Variants in CSNK2A2IP observed in about 807,000 individuals in gnomAD.
CSNK2A2IP encodes the protein casein kinase II subunit alpha'-interacting protein.
At chr3:88,397,639 G>A in the CSNK2A2IP span, among the ~76,000 whole-genome samples, 2 of 152,000 alleles carry the variant, frequency 1.3e-5, no homozygotes, top group Non-Finnish European at 2.9e-5. Context: ...AATTGAAAAT[G>A]AAATAGGGGT....
At chr3:88,356,613 G>C in the CSNK2A2IP span, among the ~76,000 whole-genome samples, 11 of 151,344 alleles carry the variant, frequency 7.3e-5, no homozygotes, top group East Asian at 1.5e-3. Context: ...TATATACCTA[G>C]CAGTGAGATT....
chr3:88,405,040 G>T, the CSNK2A2IP span, among the ~76,000 whole-genome samples: 26 of 152,194 alleles, frequency 1.7e-4, no homozygotes, highest in African/African-American at 6.3e-4. Context: ...GTCCTGCTAG[G>T]TTGGTTTAGC....
At chr3:88,414,235 G>A in the CSNK2A2IP span, among the ~76,000 whole-genome samples, 141,226 of 142,834 alleles carry the variant, frequency 0.99, 69,849 homozygotes, top group East Asian at 1. Flanking sequence ...ATATCCTAAG[G>A]AAACCTAAAA....
the CSNK2A2IP span, among the ~76,000 whole-genome samples, chr3:88,349,089 T>C: frequency 6.6e-6 from 1 of 152,072 alleles, no homozygotes; most frequent in Non-Finnish European, 1.5e-5. Flanking sequence ...CTTTCCATTC[T>C]TTTTGCAGTT....
chr3:88,408,958 A>G, the CSNK2A2IP span, among the ~76,000 whole-genome samples: 1 of 152,008 alleles, frequency 6.6e-6, no homozygotes, highest in Admixed American at 6.5e-5. Context: ...TTGCCAACTG[A>G]GACCATTGAA....
the CSNK2A2IP span, among the ~76,000 whole-genome samples, chr3:88,403,478 C>G: frequency 1.3e-5 from 2 of 152,188 alleles, no homozygotes; most frequent in South Asian, 4.1e-4. Context: ...AATGGGGCAG[C>G]TTTGTTCTTT....
the CSNK2A2IP span, among the ~76,000 whole-genome samples, chr3:88,415,021 C>A: frequency 7.4e-5 from 11 of 148,654 alleles, no homozygotes; most frequent in Non-Finnish European, 1.3e-4. Flanking sequence ...TAAAAAAAAC[C>A]CACACACACA....
the CSNK2A2IP span, among the ~76,000 whole-genome samples, chr3:88,416,236 C>A: frequency 6.7e-6 from 1 of 148,592 alleles, no homozygotes; most frequent in African/African-American, 2.5e-5. Flanking sequence ...TCGGCCACTG[C>A]ACTCCAGCCT....
At chr3:88,393,884 A>G in the CSNK2A2IP span, among the ~76,000 whole-genome samples, 48 of 152,236 alleles carry the variant, frequency 3.2e-4, no homozygotes, top group Non-Finnish European at 1.0e-4. Flanking sequence ...GGCAGATAGT[A>G]CAGAGGATGA....
chr3:88,398,442 A>G, the CSNK2A2IP span, among the ~76,000 whole-genome samples: 19 of 152,262 alleles, frequency 1.2e-4, no homozygotes, highest in African/African-American at 4.6e-4. Flanking sequence ...GAACGCAAAA[A>G]CTTTGTAATT....
the CSNK2A2IP span, among the ~76,000 whole-genome samples, chr3:88,448,057 C>T: frequency 3.9e-5 from 6 of 152,132 alleles, no homozygotes; most frequent in Non-Finnish European, 5.9e-5. Context: ...GTATGTTTTC[C>T]GCATTTCCGG....
chr3:88,402,444 CACAAGAAAATATGCAGA>C, the CSNK2A2IP span, among the ~76,000 whole-genome samples: 2 of 151,912 alleles, frequency 1.3e-5, no homozygotes, highest in Non-Finnish European at 2.9e-5. Flanking sequence ...TGCATATGTG[CACAAGAAAATATGCAGA>C]ACTATTCAAT....
At chr3:88,392,381 AG>A in the CSNK2A2IP span, among the ~76,000 whole-genome samples, 220 of 152,332 alleles carry the variant, frequency 1.4e-3, no homozygotes, top group African/African-American at 5.1e-3. Flanking sequence ...GAAAGGAATT[AG>A]ATATCTATAG....
At chr3:88,455,260 A>T in the CSNK2A2IP span, among the ~76,000 whole-genome samples, 42 of 151,954 alleles carry the variant, frequency 2.8e-4, no homozygotes, top group Non-Finnish European at 5.3e-4. Flanking sequence ...ATCATATGGT[A>T]TTTCTGTTCT....
At chr3:88,375,386 A>G in the CSNK2A2IP span, among the ~76,000 whole-genome samples, 51 of 151,916 alleles carry the variant, frequency 3.4e-4, no homozygotes, top group African/African-American at 1.2e-3. Context: ...GGAATTTGGT[A>G]CTAGGGTTGA....
the CSNK2A2IP span, among the ~76,000 whole-genome samples, chr3:88,463,539 A>C: frequency 2.6e-5 from 4 of 152,150 alleles, no homozygotes; most frequent in African/African-American, 9.7e-5. Flanking sequence ...CAGCCAAAAA[A>C]CACATGAAAA....
the CSNK2A2IP span, among the ~76,000 whole-genome samples, chr3:88,418,693 G>T: frequency 2.0e-5 from 3 of 151,938 alleles, no homozygotes; most frequent in East Asian, 1.9e-4. Context: ...ACATGTGCAG[G>T]TTTGTCATAT....
the CSNK2A2IP span, among the ~76,000 whole-genome samples, chr3:88,390,820 G>T: frequency 6.6e-6 from 1 of 152,216 alleles, no homozygotes; most frequent in Non-Finnish European, 1.5e-5. Context: ...TTTTGCTTTT[G>T]TTAGTGTTGC....
At chr3:88,366,585 A>G in the CSNK2A2IP span, among the ~76,000 whole-genome samples, 1 of 152,128 alleles carries the variant, frequency 6.6e-6, no homozygotes, top group South Asian at 2.1e-4. Context: ...GAGAATGGAT[A>G]CATATAGGAT....
Sources: gnomAD v4.1 joint callset for allele counts (sites outside exome capture counted in the v4.1 genomes callset) on GRCh38, gnomAD v4.1.1 for gene constraint, MANE v1.5 for transcripts, NCBI Gene and HGNC (gene_info 2026-07-23, HGNC 2026-07-21) for gene names.